Variants in GRM7 observed in about 807,000 individuals in gnomAD.
The protein encoded by GRM7 is metabotropic glutamate receptor 7.
GRM7 carries 35 observed loss-of-function variants against 84.5 expected under a neutral mutation model. The ratio of observed to expected loss-of-function variants is 0.41; its 90% CI spans 0.32 to 0.55. The LOEUF is 0.55. Among genes scored for constraint, GRM7 ranks in the 20% least tolerant of loss-of-function variants. The pLI, the probability that GRM7 is intolerant of heterozygous loss-of-function variation, is 0.19. For missense variants in GRM7, 1,003 were observed against 1,194.6 expected, an observed-to-expected ratio of 0.84 and a Z score of 2.36; for synonymous variants, 487 against 455.1, an observed-to-expected ratio of 1.07 and a Z score of -0.89.
intron 1 of GRM7, among the ~76,000 whole-genome samples, chr3:7,008,115 GTT>G (rs3063458): frequency 6.6e-6 from 1 of 151,446 alleles, no homozygotes; most frequent in African/African-American, 2.4e-5. Context: ...ATGAGAATGC[GTT>G]TTTTTTTTAG....
intron 1 of GRM7, among the ~76,000 whole-genome samples, chr3:7,115,325 A>G (rs1692994149): frequency 6.6e-6 from 1 of 152,116 alleles, no homozygotes; most frequent in African/African-American, 2.4e-5. Flanking sequence ...GCTAGTGATA[A>G]CAGACTTGCT....
At chr3:6,949,889 C>G (rs564650910) in intron 1 of GRM7, among the ~76,000 whole-genome samples, 2 of 152,170 alleles carry the variant, frequency 1.3e-5, no homozygotes, top group South Asian at 2.1e-4. Context: ...GTTCTTGTGC[C>G]GTGCTTTTCA....
chr3:7,253,472 C>G lies in GRM7; in HGVS notation c.737-45212C>G, dbSNP rs149622854. On this transcript the variant is annotated intron_variant, in intron 2 of 9. Coordinates refer to ENST00000357716, the MANE Select transcript of GRM7 (RefSeq NM_000844.4). Reference sequence around the variant, plus strand: ...TCTACTAAAAATACAAAAAAATTAGCCAGGCATGGTGGTGGGTGCCTGTAA... The same window carrying G: ...TCTACTAAAAATACAAAAAAATTAGGCAGGCATGGTGGTGGGTGCCTGTAA... Among the ~76,000 whole-genome samples, 766 of 151,928 alleles carry G rather than the reference C, an allele frequency of 5.0e-3. 10 individuals carry two copies. The highest frequency in any genetic ancestry group is 0.017 in the African/African-American group (719 of 41,418).
intron 4 of GRM7, among the ~76,000 whole-genome samples, chr3:7,394,892 G>T (rs1188327244): frequency 1.3e-5 from 2 of 152,012 alleles, no homozygotes; most frequent in African/African-American, 2.4e-5. Context: ...ACAAAAATTA[G>T]CCAGGCGTGG....
chr3:6,912,995 C>T (rs1481004095), intron 1 of GRM7, among the ~76,000 whole-genome samples: 2 of 152,008 alleles, frequency 1.3e-5, no homozygotes, highest in Non-Finnish European at 2.9e-5. Context: ...AGCATTATTC[C>T]CTTCCCTCCA....
At chr3:7,676,522 G>A (rs998258331) in intron 8 of GRM7, among the ~76,000 whole-genome samples, 9 of 152,124 alleles carry the variant, frequency 5.9e-5, no homozygotes, top group African/African-American at 2.2e-4. Context: ...GCAGTGATGT[G>A]ATCTCCGCTC....
At chr3:7,337,293 C>T (rs367577004) in intron 4 of GRM7, among the ~76,000 whole-genome samples, 2 of 152,006 alleles carry the variant, frequency 1.3e-5, no homozygotes, top group East Asian at 1.9e-4. Context: ...AATCTAAGAC[C>T]TCTAACCATA....
At chr3:7,205,311 T>C (rs748787242) in intron 2 of GRM7, among the ~76,000 whole-genome samples, 11 of 152,220 alleles carry the variant, frequency 7.2e-5, no homozygotes, top group Non-Finnish European at 1.5e-4. Context: ...TGTCACGTTG[T>C]CTAGTGCAAT....
chr3:7,676,607 C>T (rs78867526), intron 8 of GRM7, among the ~76,000 whole-genome samples: 3 of 151,908 alleles, frequency 2.0e-5, no homozygotes, highest in East Asian at 1.9e-4. Flanking sequence ...TACAGGCACC[C>T]GCCACCACAC....
chr3:7,509,787 A>AT (rs922886351), intron 7 of GRM7, among the ~76,000 whole-genome samples: 96 of 150,558 alleles, frequency 6.4e-4, no homozygotes, highest in African/African-American at 1.5e-3. Context: ...AGCTGGGGAA[A>AT]TTTTTTTTTT....
At chr3:7,241,955 T>A (rs1697574336) in intron 2 of GRM7, among the ~76,000 whole-genome samples, 1 of 152,170 alleles carries the variant, frequency 6.6e-6, no homozygotes, top group South Asian at 2.1e-4. Context: ...TTTTTAAAAA[T>A]CTCCTGCTGA....
intron 4 of GRM7, among the ~76,000 whole-genome samples, chr3:7,382,446 A>G (rs1220188715): frequency 4.6e-5 from 7 of 152,076 alleles, no homozygotes; most frequent in Non-Finnish European, 1.0e-4. Flanking sequence ...TATTCCTGAA[A>G]TTTACTGGGA....
intron 1 of GRM7, among the ~76,000 whole-genome samples, chr3:7,002,164 A>G (rs1160183855): frequency 6.6e-6 from 1 of 152,188 alleles, no homozygotes; most frequent in East Asian, 1.9e-4. Flanking sequence ...AGATTGAATT[A>G]TTAGGAATTA....
intron 6 of GRM7, among the ~76,000 whole-genome samples, chr3:7,453,861 G>A (rs1363524978): frequency 1.3e-5 from 2 of 152,088 alleles, no homozygotes; most frequent in African/African-American, 4.8e-5. Flanking sequence ...GTCTATCTGT[G>A]CAACATTTCT....
chr3:7,219,705 G>T (rs1403675856), intron 2 of GRM7, among the ~76,000 whole-genome samples: 1 of 152,168 alleles, frequency 6.6e-6, no homozygotes, highest in African/African-American at 2.4e-5. Flanking sequence ...GTTAGTGTCA[G>T]CCTAGCAGGC....
chr3:7,218,789 T>C (rs1696699191), intron 2 of GRM7, among the ~76,000 whole-genome samples: 2 of 151,310 alleles, frequency 1.3e-5, no homozygotes, highest in South Asian at 4.2e-4. Context: ...ATATTATAGA[T>C]ATTGATTTGT....
chr3:6,894,521 A>G (rs1198859273), intron 1 of GRM7, among the ~76,000 whole-genome samples: 2 of 152,158 alleles, frequency 1.3e-5, no homozygotes, highest in Admixed American at 6.6e-5. Context: ...TAATATATAC[A>G]TTGTAATTGT....
chr3:7,160,222 A>C (rs1694581910), intron 2 of GRM7, among the ~76,000 whole-genome samples: 1 of 152,116 alleles, frequency 6.6e-6, no homozygotes, highest in South Asian at 2.1e-4. Context: ...GGGCCAGTCT[A>C]TATTCCTTCT....
Position 6,863,229 on chromosome 3 carries a change from C to G in GRM7, c.519+1322C>G, listed in dbSNP as rs531927027. Among the ~76,000 whole-genome samples the G allele has an allele frequency of 6.6e-6, 1 of 152,082 alleles. No homozygotes were observed. The highest frequency in any genetic ancestry group is 6.5e-5 in the Admixed American group (1 of 15,288). On this transcript the variant is annotated intron_variant, in intron 1 of 9. Coordinates refer to ENST00000357716, the MANE Select transcript of GRM7 (RefSeq NM_000844.4). The surrounding 1 kb of genome is among the most constrained non-coding windows in gnomAD (Gnocchi z 4.8). The stretch of plus-strand genomic sequence containing the variant: ...GGTTCATCTCCGTATTAAAATGACC[C>G]TTTTCCAGTGCATAGCGGCTCTCTC...
Sources: gnomAD v4.1 joint callset for allele counts (sites outside exome capture counted in the v4.1 genomes callset) on GRCh38, gnomAD v4.1.1 for gene constraint, Gnocchi (gnomAD v3.1) non-coding constraint, MANE v1.5 for transcripts, NCBI Gene and HGNC (gene_info 2026-07-23, HGNC 2026-07-21) for gene names.